Variants in SIAH2 observed in about 807,000 individuals in gnomAD.
SIAH2 encodes the protein siah E3 ubiquitin protein ligase 2.
SIAH2 carries 4 observed loss-of-function variants against 20.4 expected under a neutral mutation model. The ratio of observed to expected loss-of-function variants is 0.20; its 90% CI spans 0.10 to 0.45. SIAH2 has a LOEUF of 0.45. SIAH2 is among the 20% of genes least tolerant of loss of function. SIAH2 has a pLI of 0.99. For synonymous variants in SIAH2, 171 were observed against 192.5 expected, an observed-to-expected ratio of 0.89 and a Z score of 0.93; for missense variants, 259 against 440.3, an observed-to-expected ratio of 0.59 and a Z score of 3.69.
intron 1 of SIAH2, among the ~76,000 whole-genome samples, chr3:150,753,100 A>G (rs1714406036): frequency 6.6e-6 from 1 of 152,228 alleles, no homozygotes; most frequent in African/African-American, 2.4e-5. Flanking sequence ...TTCAACATGC[A>G]GCTGGTGCCA....
At chr3:150,761,609 C>T (rs1399456262) in intron 1 of SIAH2, among the ~76,000 whole-genome samples, 2 of 152,086 alleles carry the variant, frequency 1.3e-5, no homozygotes, top group African/African-American at 4.8e-5. Flanking sequence ...AAAAGATACA[C>T]ACTAAACCTA....
At position 150,762,602 on chromosome 3, in the gene SIAH2, C is replaced by A. The variant is rs1266942914; in HGVS notation, c.248G>T (p.Cys83Phe). 1 of 1,612,522 alleles carries A rather than the reference C, an allele frequency of 6.2e-7. No individual in the cohort carries two copies. Among genetic ancestry groups the A allele is most frequent in the African/African-American group, 1.3e-5 (1 of 74,856 alleles). ...ELTSLFECPV[C>F]FDYVLPPILQ... ...AATAGGAGGCAGGACATAGTCAAAG[C>A]AGACCGGACACTCGAAGAGCGAGGT... The change falls in exon 1 of 2, where the codon TGC becomes TTC. Residue 83 changes from cysteine (C) to phenylalanine (F), a missense_variant. Physicochemically the swap from Cys to Phe is radical, Grantham distance 205 (BLOSUM62 -2). This residue lies in a region of SIAH2 where 160 missense variants were observed against 327.6 expected (regional missense o/e 0.49). Transcript: ENST00000312960. This position sits in a 1 kb window ranked among gnomAD's most constrained non-coding sequence, Gnocchi z 6.6.
At chr3:150,760,001 C>G (rs1429071482) in intron 1 of SIAH2, among the ~76,000 whole-genome samples, 6 of 152,150 alleles carry the variant, frequency 3.9e-5, no homozygotes, top group Non-Finnish European at 8.8e-5. Flanking sequence ...AGTAAAAAGG[C>G]AGTCCCATAA....
chr3:150,742,874 A>G lies in SIAH2; in HGVS notation c.418-176T>C, dbSNP rs1221592757. On this transcript the variant is annotated intron_variant, in intron 1 of 1. Coordinates refer to ENST00000312960, the MANE Select transcript of SIAH2 (RefSeq NM_005067.7). This position sits in a 1 kb window ranked among gnomAD's most constrained non-coding sequence, Gnocchi z 4.8. ...AAGTCTCCGTCTCTATTCATCATCAATGCTGTCATGCATAAAATGAAGGGT... is the reference window on the plus strand; with the variant it reads ...AAGTCTCCGTCTCTATTCATCATCAGTGCTGTCATGCATAAAATGAAGGGT... Among the ~76,000 whole-genome samples, 1 of 152,190 alleles carries G rather than the reference A, an allele frequency of 6.6e-6. No individual in the cohort carries two copies. The highest frequency in any genetic ancestry group is 1.5e-5 in the Non-Finnish European group (1 of 68,040).
chr3:150,751,328 G>A (rs933121473), intron 1 of SIAH2, among the ~76,000 whole-genome samples: 2 of 152,100 alleles, frequency 1.3e-5, no homozygotes, highest in Non-Finnish European at 2.9e-5. Flanking sequence ...GGAGGCTGAG[G>A]CAGGAGAATT....
Position 150,762,375 on chromosome 3 carries a change from C to A in SIAH2, c.417+58G>T. 1 of 1,551,972 alleles carries A rather than the reference C, an allele frequency of 6.4e-7. No individual in the cohort carries two copies. The highest frequency in any genetic ancestry group is 8.7e-7 in the Non-Finnish European group (1 of 1,150,844). On this transcript the variant is annotated intron_variant, in intron 1 of 1. Transcript: ENST00000312960. This position sits in a 1 kb window ranked among gnomAD's most constrained non-coding sequence, Gnocchi z 6.6. ...CTCTCCGGGCCTGCGAGTGGGCTGG[C>A]GGATACCGGAGTCCCTGAGGTCACC...
intron 1 of SIAH2, among the ~76,000 whole-genome samples, chr3:150,747,317 C>G (rs1312019048): frequency 2.0e-5 from 3 of 152,240 alleles, no homozygotes; most frequent in African/African-American, 7.2e-5. Flanking sequence ...CCAGCCTTCT[C>G]TGGGATCTGG....
chr3:150,753,160 G>A (rs894212066), intron 1 of SIAH2, among the ~76,000 whole-genome samples: 5 of 152,154 alleles, frequency 3.3e-5, no homozygotes, highest in African/African-American at 1.2e-4. Context: ...TACTTCAGAC[G>A]GGCTCTGCCC....
chr3:150,744,715 C>T (rs528045940), intron 1 of SIAH2, among the ~76,000 whole-genome samples: 3 of 152,222 alleles, frequency 2.0e-5, no homozygotes, highest in South Asian at 2.1e-4. Context: ...TGTTTCAAGA[C>T]GAACTTTTCC....
At chr3:150,752,501 C>A (rs1576582235) in intron 1 of SIAH2, among the ~76,000 whole-genome samples, 1 of 151,990 alleles carries the variant, frequency 6.6e-6, no homozygotes, top group Non-Finnish European at 1.5e-5. Context: ...GCCAGCTAAT[C>A]GGGAGGCTGA....
intron 1 of SIAH2, among the ~76,000 whole-genome samples, chr3:150,749,870 C>A (rs549597736): frequency 6.6e-6 from 1 of 152,262 alleles, no homozygotes; most frequent in Non-Finnish European, 1.5e-5. Context: ...GTGGCCTTGG[C>A]ATGTAGTTTC....
chr3:150,753,507 A>G (rs1203931175), intron 1 of SIAH2, among the ~76,000 whole-genome samples: 1 of 152,176 alleles, frequency 6.6e-6, no homozygotes, highest in East Asian at 1.9e-4. Context: ...AAAAGCTTCA[A>G]TTTCTCAGGC....
chr3:150,748,599 G>A (rs750815285), intron 1 of SIAH2, among the ~76,000 whole-genome samples: 5 of 152,186 alleles, frequency 3.3e-5, no homozygotes, highest in Admixed American at 1.3e-4. Context: ...TGCCTAGACC[G>A]GCTTACGTCC....
At chr3:150,753,925 TA>T (rs11300954) in intron 1 of SIAH2, among the ~76,000 whole-genome samples, 27,923 of 150,834 alleles carry the variant, frequency 0.19, 5,650 homozygotes, top group African/African-American at 0.49. Context: ...AGCAGTGCTT[TA>T]AAAAAAAAAT....
Position 150,762,796 on chromosome 3 carries a change from C to G in SIAH2, c.54G>C (p.Gln18His), listed in dbSNP as rs2108128760. 1 of 1,222,860 alleles carries G rather than the reference C, an allele frequency of 8.2e-7. No individual in the cohort carries two copies. Among genetic ancestry groups the G allele is most frequent in the South Asian group, 3.5e-5 (1 of 28,762 alleles). 75.8% of individuals were successfully genotyped at this position (1,222,860 alleles called of 1,614,324 possible). The change falls in exon 1 of 2, where the codon CAG (glutamine) becomes CAC (histidine). Residue 18 changes from glutamine (Q) to histidine (H), a missense_variant. Transcript: ENST00000312960. The surrounding 1 kb of genome is among the most constrained non-coding windows in gnomAD (Gnocchi z 6.6). The stretch of plus-strand genomic sequence containing the variant: ...GAGTGTGCTGGGGCTGCGGCGGCGG[C>G]TGCTTGCTGCAGGGTTTATTAGCGC... Reference protein sequence around the residue: ...GPSANKPCSKQPPPQPQHTPS... With the variant: ...GPSANKPCSKHPPPQPQHTPS...
At chr3:150,759,242 TAA>T (rs1714551805) in intron 1 of SIAH2, among the ~76,000 whole-genome samples, 1 of 152,184 alleles carries the variant, frequency 6.6e-6, no homozygotes, top group Admixed American at 6.5e-5. Flanking sequence ...CTCTAGCCTT[TAA>T]TTAATTACCC....
chr3:150,759,389 G>A (rs1333313834), intron 1 of SIAH2, among the ~76,000 whole-genome samples: 1 of 152,060 alleles, frequency 6.6e-6, no homozygotes, highest in Non-Finnish European at 1.5e-5. Flanking sequence ...TACCCTACAT[G>A]CCCTACAAAA....
At chr3:150,757,819 A>C (rs2108124983) in intron 1 of SIAH2, among the ~76,000 whole-genome samples, 1 of 152,214 alleles carries the variant, frequency 6.6e-6, no homozygotes, top group Non-Finnish European at 1.5e-5. Flanking sequence ...ACATCTCTTA[A>C]AGGAAAAAAA....
At chr3:150,755,147 C>A (rs1714456576) in intron 1 of SIAH2, among the ~76,000 whole-genome samples, 1 of 151,952 alleles carries the variant, frequency 6.6e-6, no homozygotes, top group South Asian at 2.1e-4. Context: ...CACAGTGGGG[C>A]TGGAGTTGGG....
Sources: gnomAD v4.1 joint callset for allele counts (sites outside exome capture counted in the v4.1 genomes callset) on GRCh38, gnomAD v4.1.1 for gene constraint, gnomAD v4.1.1 regional missense constraint, Gnocchi (gnomAD v3.1) non-coding constraint, MANE v1.5 for transcripts, NCBI Gene and HGNC (gene_info 2026-07-23, HGNC 2026-07-21) for gene names.